CYRIB: variants seen among roughly 807,000 people sequenced by gnomAD.
The protein encoded by CYRIB is CYFIP related Rac1 interactor B, also known as CYFIP-related Rac1 interactor B.
A neutral mutation model predicts 44.2 loss-of-function variants in CYRIB; 8 were observed. The observed-to-expected ratio is 0.18, with a 90% CI of 0.11 to 0.33. CYRIB has a LOEUF of 0.33. Ranked by LOEUF, CYRIB falls within the 10% of genes least tolerant of loss-of-function variation. CYRIB has a pLI of 1.00. For synonymous variants in CYRIB, 131 were observed against 127.2 expected (o/e 1.03, Z -0.20); for missense variants, 185 against 382.8 (o/e 0.48, Z 4.31).
chr8:129,919,075 C>T (rs764338652), intron 1 of CYRIB, among the ~76,000 whole-genome samples: 1 of 152,086 alleles, frequency 6.6e-6, no homozygotes, highest in Non-Finnish European at 1.5e-5. Context: ...GCCACGTTGG[C>T]CAGGCTTGTC....
intron 1 of CYRIB, among the ~76,000 whole-genome samples, chr8:129,983,571 T>A (rs1189693481): frequency 6.6e-6 from 1 of 152,214 alleles, no homozygotes; most frequent in Non-Finnish European, 1.5e-5. Flanking sequence ...GGGTGGGAGT[T>A]ACTGTGCCAG....
chr8:129,878,521 C>A (rs1156891545), intron 3 of CYRIB, among the ~76,000 whole-genome samples: 1 of 152,150 alleles, frequency 6.6e-6, no homozygotes, highest in East Asian at 1.9e-4. Flanking sequence ...TAAGGGATCA[C>A]ATGATTAAAA....
chr8:129,995,096 G>T (rs750352463), intron 1 of CYRIB, among the ~76,000 whole-genome samples: 2 of 152,220 alleles, frequency 1.3e-5, no homozygotes, highest in African/African-American at 2.4e-5. Context: ...AACCAGGAAG[G>T]TGGGTGGAAT....
chr8:129,861,159 C>T (rs1222217836), intron 5 of CYRIB, among the ~76,000 whole-genome samples: 1 of 152,202 alleles, frequency 6.6e-6, no homozygotes, highest in African/African-American at 2.4e-5. Context: ...TAATTTCTGA[C>T]ACACATCTAT....
Position 130,010,535 on chromosome 8 carries a change from C to T in CYRIB, c.-296+5835G>A, listed in dbSNP as rs545816017. 3.9e-5 allele frequency among the ~76,000 whole-genome samples: 6 copies of T among 152,150 alleles called. 1 individual carries two copies. The South Asian group carries it at 6.2e-4, about 16-fold the overall frequency. The stretch of plus-strand genomic sequence containing the variant: ...TCAGCTCACACTGCCTCTCCTCCCC[C>T]GCTCCCTGAAGGCAGCCCCATCTCA... On this transcript the variant is annotated intron_variant, in intron 1 of 14. Coordinates refer to the CYRIB transcript ENST00000401979.
At position 129,986,204 on chromosome 8, in the gene CYRIB, G is replaced by A. The variant is rs150854423; in HGVS notation, c.-295-15209C>T. On this transcript the variant is annotated intron_variant, in intron 1 of 14. Transcript: ENST00000401979. ...CTGGGGGATTCAGAAGAGGGACAAG[G>A]TTTCAATAAATGATTGCTAAAGGAA... Among the ~76,000 whole-genome samples, 727 of 152,314 alleles carry A rather than the reference G, an allele frequency of 4.8e-3. 6 individuals are homozygous for A. The highest frequency in any genetic ancestry group is 0.017 in the African/African-American group (701 of 41,556).
chr8:129,973,382 A>G (rs993003100), intron 1 of CYRIB, among the ~76,000 whole-genome samples: 5 of 152,242 alleles, frequency 3.3e-5, no homozygotes, highest in African/African-American at 1.2e-4. Flanking sequence ...AGTTAAGCAC[A>G]GGAGGTGGAA....
chr8:130,007,597 C>T (rs2097131537), intron 1 of CYRIB, among the ~76,000 whole-genome samples: 1 of 151,826 alleles, frequency 6.6e-6, no homozygotes, highest in African/African-American at 2.4e-5. Flanking sequence ...CCAGCCTGCC[C>T]AACATGGTGA....
At chr8:129,939,074 G>A (rs1267830184) in intron 1 of CYRIB, among the ~76,000 whole-genome samples, 2 of 152,206 alleles carry the variant, frequency 1.3e-5, no homozygotes, top group African/African-American at 4.8e-5. Flanking sequence ...GCGAAGTGAT[G>A]GGGAGCGATA....
intron 2 of CYRIB, among the ~76,000 whole-genome samples, chr8:129,945,235 C>G (rs930662891): frequency 1.3e-5 from 2 of 152,246 alleles, no homozygotes; most frequent in African/African-American, 2.4e-5. Context: ...CATGTCCTAA[C>G]TCCCTAATCC....
At chr8:129,976,376 C>A (rs1161632534) in intron 1 of CYRIB, among the ~76,000 whole-genome samples, 2 of 152,190 alleles carry the variant, frequency 1.3e-5, no homozygotes, top group Non-Finnish European at 2.9e-5. Flanking sequence ...TTCAGAATTA[C>A]TTTAATTCAG....
rs140780547 is a variant in CYRIB at position 129,876,887 on chromosome 8, T to C, written c.73+2502A>G. On this transcript the variant is annotated intron_variant, in intron 3 of 11. Coordinates refer to ENST00000519824, the Ensembl canonical transcript of CYRIB. ...CTAGAAATAAACAATGTAGTACTAA[T>C]TACTCTAGCAAAAATAATGTGGCTT... 5.9e-5 allele frequency among the ~76,000 whole-genome samples: 9 copies of C among 152,324 alleles called. No individual in the cohort carries two copies. In the East Asian group the frequency reaches 1.3e-3, roughly 23 times the overall value.
intron 8 of CYRIB, chr8:129,851,657 A>T (rs1261689924): frequency 6.6e-6 from 1 of 152,158 alleles, no homozygotes; most frequent in Non-Finnish European, 1.5e-5. Flanking sequence ...AAAAATACAA[A>T]ATTAGCCGGG....
intron 5 of CYRIB, among the ~76,000 whole-genome samples, chr8:129,860,406 A>G (rs914444658): frequency 1.3e-5 from 2 of 152,240 alleles, no homozygotes; most frequent in Admixed American, 1.3e-4. Context: ...CAGAAAACCT[A>G]GGCTGATTGG....
At chr8:129,909,673 T>C (rs147120722) in intron 1 of CYRIB, among the ~76,000 whole-genome samples, 29 of 152,180 alleles carry the variant, frequency 1.9e-4, no homozygotes, top group Non-Finnish European at 3.5e-4. Context: ...ATAAAGACTT[T>C]GTGAGATTAG....
At chr8:129,986,959 C>T (rs1332072347) in intron 1 of CYRIB, among the ~76,000 whole-genome samples, 5 of 152,180 alleles carry the variant, frequency 3.3e-5, no homozygotes, top group African/African-American at 4.8e-5. Context: ...AGTCAAAGCA[C>T]GGAACCTCCA....
intron 6 of CYRIB, 115 bp downstream of exon 8, chr8:129,855,496 A>C (rs1388036619): frequency 2.1e-5 from 22 of 1,046,074 alleles, no homozygotes; most frequent in Non-Finnish European, 3.0e-5. Context: ...ATTTTTATTA[A>C]GGTCTAGCAG....
At chr8:129,905,201 GGATTGATTGATT>G (rs3077898) in intron 1 of CYRIB, among the ~76,000 whole-genome samples, 29 of 150,384 alleles carry the variant, frequency 1.9e-4, no homozygotes, top group Non-Finnish European at 3.7e-4. Flanking sequence ...CACCCAGGCT[GGATTGATTGATT>G]GATTGATTGA....
chr8:129,849,518 A>C (rs2042146938), intron 9 of CYRIB, 149 bp from the exon 12 acceptor site: 1 of 647,454 alleles, frequency 1.5e-6, no homozygotes, highest in African/African-American at 1.9e-5. Flanking sequence ...AGCCACACTG[A>C]TACATTCAAA....
Sources: allele counts gnomAD v4.1 joint callset (sites outside exome capture counted in the v4.1 genomes callset), GRCh38; gene constraint gnomAD v4.1.1; transcripts MANE v1.5; gene names NCBI Gene and HGNC (gene_info 2026-07-23, HGNC 2026-07-21).